SYNE1: variants seen among roughly 807,000 people sequenced by gnomAD.
The protein encoded by SYNE1 is spectrin repeat containing nuclear envelope protein 1.
A neutral mutation model predicts 1,111.0 loss-of-function variants in SYNE1; 616 were observed. The ratio of observed to expected loss-of-function variants is 0.55; its 90% CI spans 0.52 to 0.59. The LOEUF (loss-of-function observed/expected upper bound fraction) is 0.59. SYNE1 is among the 20% of genes least tolerant of loss of function. The probability of loss-of-function intolerance (pLI) is 0.00; values close to 1 mark genes in which losing one functional copy is unlikely to be tolerated. For synonymous variants in SYNE1, 3,855 were observed against 3,825.8 expected (o/e 1.01, Z -0.28); for missense variants, 10,006 against 10,417.0 (o/e 0.96, Z 1.72).
chr6:152,517,605 T>C (rs930828242), intron 6 of SYNE1, among the ~76,000 whole-genome samples: 3 of 152,224 alleles, frequency 2.0e-5, no homozygotes, highest in Non-Finnish European at 2.9e-5. Context: ...AAGAGAGTGG[T>C]TGAATAAACT....
intron 3 of SYNE1, among the ~76,000 whole-genome samples, chr6:152,560,198 C>CA (rs1383593535): frequency 1.3e-5 from 2 of 151,864 alleles, no homozygotes; most frequent in Non-Finnish European, 2.9e-5. Context: ...ATCAAAAATA[C>CA]AAAAAATAAA....
chr6:152,525,471 G>T (rs2099159362), intron 5 of SYNE1, among the ~76,000 whole-genome samples: 1 of 152,106 alleles, frequency 6.6e-6, no homozygotes, highest in South Asian at 2.1e-4. Flanking sequence ...AAATGAAAAA[G>T]AGATAAGCAA....
In SYNE1 at chr6:152,465,286, A is replaced by AT; in HGVS notation, c.1903dup (p.Met635AsnfsTer35). 3 of 1,613,514 alleles carry AT rather than the reference A, an allele frequency of 1.9e-6. No individual in the cohort carries two copies. Among genetic ancestry groups the AT allele is most frequent in the Non-Finnish European group, 2.5e-6 (3 of 1,179,692 alleles). On this transcript the variant is annotated frameshift_variant, in exon 18 of 146. Transcript: ENST00000367255. LOFTEE classifies it high-confidence loss of function. ...TTTGGCATTTTCTGATTGATTGAGC[A>AT]TTTTTTCAGCATCCTCTAGCCAGGC...
rs774352447 is a variant in SYNE1, at chr6:152,385,659, T to C, written c.8652+15A>G. ...AATGAAGCAATGTAGATATAGCATC[T>C]GTTCATTTCCTGACCTTAATTTTTG... On this transcript the variant is annotated intron_variant, in intron 55 of 145. Coordinates refer to ENST00000367255, the MANE Select transcript of SYNE1 (RefSeq NM_182961.4). The C allele has an allele frequency of 6.2e-7, 1 of 1,613,854 alleles. No homozygotes were observed. The highest frequency in any genetic ancestry group is 1.1e-5 in the South Asian group (1 of 91,080).
At chr6:152,303,746 C>T (rs1446284967) in intron 91 of SYNE1, among the ~76,000 whole-genome samples, 2 of 152,128 alleles carry the variant, frequency 1.3e-5, no homozygotes, top group African/African-American at 4.8e-5. Flanking sequence ...TTATACTGTA[C>T]AATTTAGGGA....
intron 3 of SYNE1, among the ~76,000 whole-genome samples, chr6:152,564,745 T>C (rs1414521007): frequency 6.6e-6 from 1 of 152,144 alleles, no homozygotes. Context: ...AAAAGAAATA[T>C]GAATTTCCTC....
chr6:152,378,880 AC>A (rs1169149636), intron 56 of SYNE1, among the ~76,000 whole-genome samples: 1 of 152,182 alleles, frequency 6.6e-6, no homozygotes, highest in Non-Finnish European at 1.5e-5. Flanking sequence ...AGCAGGAATG[AC>A]ATTCTCTTGG....
At chr6:152,300,844 G>A (rs1456386807) in intron 92 of SYNE1, 63 bp from the exon 93 acceptor site, 2 of 1,612,212 alleles carry the variant, frequency 1.2e-6, no homozygotes, top group East Asian at 2.2e-5. Flanking sequence ...CATAAGTCCT[G>A]TTCAGGCACA....
intron 115 of SYNE1, among the ~76,000 whole-genome samples, chr6:152,227,845 T>C (rs1444108347): frequency 4.6e-5 from 7 of 152,164 alleles, no homozygotes; most frequent in Admixed American, 2.0e-4. Flanking sequence ...GGCTGAAATA[T>C]ATATTTTATA....
chr6:152,247,944 G>A (rs531931982), intron 105 of SYNE1, among the ~76,000 whole-genome samples: 213 of 150,982 alleles, frequency 1.4e-3, no homozygotes, highest in African/African-American at 4.9e-3. Context: ...CGGGAAGTTC[G>A]CTGAAATTAA....
intron 87 of SYNE1, among the ~76,000 whole-genome samples, chr6:152,312,977 G>T (rs922529320): frequency 6.6e-6 from 1 of 152,042 alleles, no homozygotes; most frequent in Non-Finnish European, 1.5e-5. Context: ...GAAAGTAAAG[G>T]GATGAAAGAA....
intron 130 of SYNE1, among the ~76,000 whole-genome samples, chr6:152,165,123 C>T (rs1272638423): frequency 2.7e-5 from 4 of 150,564 alleles, no homozygotes; most frequent in African/African-American, 9.8e-5. Flanking sequence ...AAGTGATTCT[C>T]AAGCTGGGAT....
intron 3 of SYNE1, among the ~76,000 whole-genome samples, chr6:152,564,829 C>T (rs1352010593): frequency 6.6e-6 from 1 of 152,132 alleles, no homozygotes; most frequent in African/African-American, 2.4e-5. Context: ...GCGAGAATTT[C>T]AAAAGGTGAC....
intron 3 of SYNE1, among the ~76,000 whole-genome samples, chr6:152,596,022 G>A (rs2099580004): frequency 6.8e-6 from 1 of 146,312 alleles, no homozygotes; most frequent in South Asian, 2.2e-4. Context: ...TCGAACCAAG[G>A]GGTTGATTCT....
intron 131 of SYNE1, among the ~76,000 whole-genome samples, chr6:152,160,526 C>T (rs1014158479): frequency 1.3e-5 from 2 of 152,142 alleles, no homozygotes; most frequent in Non-Finnish European, 2.9e-5. Context: ...AATAGCATTT[C>T]CCCTCTTGCT....
At chr6:152,436,312 T>G (rs373645081) in intron 32 of SYNE1, among the ~76,000 whole-genome samples, 1 of 151,994 alleles carries the variant, frequency 6.6e-6, no homozygotes, top group Non-Finnish European at 1.5e-5. Flanking sequence ...TTTTATTTCT[T>G]TTTTTTTGAG....
At chr6:152,597,068 A>T (rs1368321922) in intron 3 of SYNE1, among the ~76,000 whole-genome samples, 2 of 152,316 alleles carry the variant, frequency 1.3e-5, no homozygotes, top group Non-Finnish European at 2.9e-5. Context: ...AGCATAAAAA[A>T]TTTTTGTTAA....
intron 91 of SYNE1, among the ~76,000 whole-genome samples, chr6:152,304,763 T>G (rs2095321238): frequency 6.6e-6 from 1 of 152,246 alleles, no homozygotes; most frequent in South Asian, 2.1e-4. Context: ...TTTCTTAAGC[T>G]GCAATTCTCA....
rs188788948 is a variant in SYNE1, at chr6:152,570,287, T to A, written c.68-30266A>T. ...TAGGTATTTGATTGTCCCGAACACA[T>A]CAAAATATTACGCTTTCAGAAAAAT... On this transcript the variant is annotated intron_variant, in intron 3 of 145. Coordinates refer to ENST00000367255, the MANE Select transcript of SYNE1 (RefSeq NM_182961.4). Among the ~76,000 whole-genome samples the A allele has an allele frequency of 5.9e-5, 9 of 152,332 alleles. No homozygotes were observed. The East Asian group carries it at 1.7e-3, about 29-fold the overall frequency.
Sources: allele counts gnomAD v4.1 joint callset (sites outside exome capture counted in the v4.1 genomes callset), GRCh38; gene constraint gnomAD v4.1.1; transcripts MANE v1.5; gene names NCBI Gene and HGNC (gene_info 2026-07-23, HGNC 2026-07-21).